Variants in MYRIP observed in about 807,000 individuals in gnomAD.
MYRIP encodes the protein rab effector MyRIP.
A neutral mutation model predicts 98.0 loss-of-function variants in MYRIP; 49 were observed. The observed-to-expected ratio is 0.50, with a 90% CI of 0.40 to 0.63. The LOEUF is 0.63. Among genes scored for constraint, MYRIP ranks in the 30% least tolerant of loss-of-function variants. The probability of loss-of-function intolerance (pLI) is 0.00; values close to 1 mark genes in which losing one functional copy is unlikely to be tolerated. For synonymous variants in MYRIP, 404 were observed against 409.5 expected (o/e 0.99, Z 0.16); for missense variants, 1,004 against 1,058.2 (o/e 0.95, Z 0.71).
At chr3:40,049,856 G>T (rs917666531) in intron 3 of MYRIP, among the ~76,000 whole-genome samples, 6 of 152,106 alleles carry the variant, frequency 3.9e-5, no homozygotes, top group Non-Finnish European at 7.4e-5. Context: ...TGCTGATGGG[G>T]AGAAAGTTTG....
intron 2 of MYRIP, among the ~76,000 whole-genome samples, chr3:39,910,026 G>A (rs1325707692): frequency 6.6e-6 from 1 of 152,024 alleles, no homozygotes; most frequent in East Asian, 1.9e-4. Context: ...GAGTAACTGG[G>A]ATTACAGGTG....
chr3:40,195,429 A>T (rs1951360095), intron 10 of MYRIP, among the ~76,000 whole-genome samples: 1 of 152,098 alleles, frequency 6.6e-6, no homozygotes, highest in African/African-American at 2.4e-5. Context: ...AGTAGCTGGG[A>T]CTATAGGAGT....
At chr3:40,216,055 G>A (rs1952109998) in intron 11 of MYRIP, among the ~76,000 whole-genome samples, 1 of 152,198 alleles carries the variant, frequency 6.6e-6, no homozygotes, top group Non-Finnish European at 1.5e-5. Flanking sequence ...TTCTCTTTTG[G>A]ATCTTCAAAA....
intron 9 of MYRIP, among the ~76,000 whole-genome samples, chr3:40,189,328 A>T (rs1951131166): frequency 6.6e-6 from 1 of 152,196 alleles, no homozygotes; most frequent in Non-Finnish European, 1.5e-5. Flanking sequence ...GGAGCCTATT[A>T]CGAAGTAGGA....
chr3:39,988,738 C>T (rs529406611), intron 2 of MYRIP, among the ~76,000 whole-genome samples: 3 of 151,644 alleles, frequency 2.0e-5, no homozygotes, highest in African/African-American at 7.3e-5. Flanking sequence ...CTAATCTTGT[C>T]TGCATGCCTT....
chr3:40,159,290 A>C (rs1375069406), intron 4 of MYRIP, among the ~76,000 whole-genome samples: 7 of 151,914 alleles, frequency 4.6e-5, no homozygotes, highest in Non-Finnish European at 2.9e-5. Flanking sequence ...CTGGGTTGAA[A>C]ATTCTTTTCT....
chr3:40,167,277 T>C, intron 7 of MYRIP, 38 bp downstream of exon 7: 1 of 1,584,028 alleles, frequency 6.3e-7, no homozygotes, highest in Non-Finnish European at 8.7e-7. Flanking sequence ...TGCAGTTTCC[T>C]GGCTGGGCCT....
At chr3:39,886,181 G>A (rs1943297177) in intron 1 of MYRIP, among the ~76,000 whole-genome samples, 1 of 151,794 alleles carries the variant, frequency 6.6e-6, no homozygotes, top group South Asian at 2.1e-4. Context: ...AAGAGCTCCT[G>A]AAGGAAGCAC....
At chr3:40,204,006 ATT>A (rs1559451352) in intron 10 of MYRIP, among the ~76,000 whole-genome samples, 6 of 5,270 alleles carry the variant, frequency 1.1e-3, no homozygotes, top group African/African-American at 2.0e-3. Flanking sequence ...TATATTATAT[ATT>A]ATATATAATA....
intron 10 of MYRIP, among the ~76,000 whole-genome samples, chr3:40,203,320 A>G (rs932248116): frequency 6.6e-6 from 1 of 152,126 alleles, no homozygotes; most frequent in Non-Finnish European, 1.5e-5. Context: ...GTTTGAGAAA[A>G]TATGCATTAA....
At chr3:39,972,892 C>T (rs771816656) in intron 2 of MYRIP, among the ~76,000 whole-genome samples, 30 of 151,456 alleles carry the variant, frequency 2.0e-4, no homozygotes, top group East Asian at 3.9e-4. Flanking sequence ...TTTTATCTCT[C>T]GGTGCAGCTG....
At chr3:40,001,679 G>A (rs1369415283) in intron 2 of MYRIP, among the ~76,000 whole-genome samples, 1 of 152,204 alleles carries the variant, frequency 6.6e-6, no homozygotes, top group Non-Finnish European at 1.5e-5. Context: ...TACATTGCAA[G>A]GGTGTAAGCC....
intron 8 of MYRIP, among the ~76,000 whole-genome samples, chr3:40,174,958 A>G (rs1950715660): frequency 6.6e-6 from 1 of 152,086 alleles, no homozygotes; most frequent in South Asian, 2.1e-4. Context: ...CCTGGCTAAC[A>G]TGGTGAAACC....
At chr3:39,901,136 G>A (rs1943731981) in intron 2 of MYRIP, among the ~76,000 whole-genome samples, 1 of 152,152 alleles carries the variant, frequency 6.6e-6, no homozygotes, top group Admixed American at 6.5e-5. Context: ...GGTTTTGTTG[G>A]GACTTCTGAC....
At chr3:39,822,532 T>G (rs1167714976) in intron 1 of MYRIP, among the ~76,000 whole-genome samples, 1 of 152,198 alleles carries the variant, frequency 6.6e-6, no homozygotes, top group African/African-American at 2.4e-5. Context: ...AAGACAATTC[T>G]TCTTCCAATA....
At chr3:39,839,004 T>G (rs1941713112) in intron 1 of MYRIP, among the ~76,000 whole-genome samples, 1 of 152,152 alleles carries the variant, frequency 6.6e-6, no homozygotes, top group Non-Finnish European at 1.5e-5. Flanking sequence ...TGCATAGAGA[T>G]GTGTATAGTA....
chr3:40,006,886 G>T (rs1037278428), intron 2 of MYRIP, among the ~76,000 whole-genome samples: 9 of 152,076 alleles, frequency 5.9e-5, no homozygotes, highest in Non-Finnish European at 1.3e-4. Context: ...TAAGAGGCTG[G>T]GTCTTGCTCT....
At chr3:39,945,493 A>G (rs1486713607) in intron 2 of MYRIP, among the ~76,000 whole-genome samples, 2 of 118,000 alleles carry the variant, frequency 1.7e-5, no homozygotes, top group Admixed American at 7.6e-5. Context: ...AAAAAAAAAG[A>G]AAAAAGAAAA....
At chr3:40,139,207 TG>T (rs1559417309) in intron 3 of MYRIP, among the ~76,000 whole-genome samples, 1 of 152,260 alleles carries the variant, frequency 6.6e-6, no homozygotes, top group Non-Finnish European at 1.5e-5. Context: ...CATATTTTTT[TG>T]TATTACATCT....
Sources: allele counts gnomAD v4.1 joint callset (sites outside exome capture counted in the v4.1 genomes callset), GRCh38; gene constraint gnomAD v4.1.1; transcripts MANE v1.5; gene names NCBI Gene and HGNC (gene_info 2026-07-23, HGNC 2026-07-21).